Variants in LUC7L2 observed in about 807,000 individuals in gnomAD.
The protein encoded by LUC7L2 is putative RNA-binding protein Luc7-like 2.
LUC7L2 carries 25 observed loss-of-function variants against 52.8 expected under a neutral mutation model. The observed-to-expected ratio is 0.47, with a 90% CI of 0.34 to 0.66. The LOEUF (loss-of-function observed/expected upper bound fraction) is 0.66, where lower values mean the gene tolerates loss of function less well. LUC7L2 is among the 30% of genes least tolerant of loss of function. LUC7L2 has a pLI of 0.01. For missense variants in LUC7L2, 328 were observed against 497.8 expected, an observed-to-expected ratio of 0.66 and a Z score of 3.25; for synonymous variants, 144 against 160.9, an observed-to-expected ratio of 0.89 and a Z score of 0.80.
chr7:139,387,376 G>A (rs977352373), intron 2 of LUC7L2, among the ~76,000 whole-genome samples: 1 of 151,894 alleles, frequency 6.6e-6, no homozygotes, highest in Non-Finnish European at 1.5e-5. Context: ...CGTATATTCA[G>A]TAGAGACACG....
intron 1 of LUC7L2, chr7:139,374,806 T>C: frequency 1.8e-6 from 2 of 1,105,388 alleles, no homozygotes; most frequent in South Asian, 6.1e-5. Context: ...TAGTGTTTAG[T>C]TGAATTTAAG....
At chr7:139,374,446 CAGAA>C in intron 1 of LUC7L2, 1 of 1,550,938 alleles carries the variant, frequency 6.4e-7, no homozygotes, top group Non-Finnish European at 8.7e-7. Flanking sequence ...AAGGGAGTGT[CAGAA>C]AGGCCCCGCA....
At chr7:139,377,363 C>T (rs1049503238) in intron 2 of LUC7L2, among the ~76,000 whole-genome samples, 21 of 152,034 alleles carry the variant, frequency 1.4e-4, no homozygotes, top group African/African-American at 4.8e-4. Flanking sequence ...TGCCACCATG[C>T]CCGGCTAATT....
intron 2 of LUC7L2, among the ~76,000 whole-genome samples, chr7:139,391,301 C>T (rs1343401998): frequency 6.6e-6 from 1 of 152,096 alleles, no homozygotes; most frequent in Admixed American, 6.6e-5. Flanking sequence ...AAATTATATT[C>T]TCATGCTGTT....
intron 1 of LUC7L2, among the ~76,000 whole-genome samples, chr7:139,349,167 C>T (rs189716485): frequency 6.5e-4 from 99 of 152,250 alleles, no homozygotes; most frequent in African/African-American, 2.1e-3. Context: ...AACAAACCAA[C>T]AAGCAAACAA....
chr7:139,394,133 GA>G, intron 2 of LUC7L2, among the ~76,000 whole-genome samples: 1 of 152,264 alleles, frequency 6.6e-6, no homozygotes, highest in Middle Eastern at 3.4e-3. Flanking sequence ...ATAATCCAAG[GA>G]GAGGCTAAGA....
chr7:139,387,766 T>C (rs972060793), intron 2 of LUC7L2, among the ~76,000 whole-genome samples: 5 of 152,136 alleles, frequency 3.3e-5, no homozygotes, highest in Non-Finnish European at 5.9e-5. Context: ...TTTCCTTTTT[T>C]TTGGAGACAG....
chr7:139,417,353 T>C, intron 8 of LUC7L2, 185 bp from the exon 9 acceptor site: 1 of 760,574 alleles, frequency 1.3e-6, no homozygotes, highest in East Asian at 2.8e-5. Flanking sequence ...GAATTATTAA[T>C]GTTTTATTTT....
rs540394989 is a variant in LUC7L2 at position 139,392,968 on chromosome 7, T to TA, written c.157-5621dup. Reference sequence around the variant, plus strand: ...TGCACCCAGCAACTACTTGTTAAATTAAAAAAAAAATTTTAAGACCAGGTG... The same window carrying TA: ...TGCACCCAGCAACTACTTGTTAAATTAAAAAAAAAAATTTTAAGACCAGGTG... On this transcript the variant is annotated intron_variant, in intron 2 of 9. Transcript: ENST00000354926. 3.8e-4 allele frequency among the ~76,000 whole-genome samples: 56 copies of TA among 146,776 alleles called. No homozygotes were observed. In the South Asian group the frequency reaches 5.2e-3, roughly 14 times the overall value.
Position 139,417,630 on chromosome 7 carries a change from A to C in LUC7L2, c.902A>C (p.His301Pro). ...CGATCCAAATCTCGGGAGAAACGCCATCGCCACAGGTCCCGCTCCAGCAGC... is the reference window on the plus strand; with the variant it reads ...CGATCCAAATCTCGGGAGAAACGCCCTCGCCACAGGTCCCGCTCCAGCAGC... ...RTRSKSREKR[H>P]RHRSRSSSRS... Residue 301 changes from histidine (H) to proline (P), a missense_variant, in exon 9 of 10, where the codon CAT (histidine) becomes CCT (proline). His to Pro is a moderately conservative substitution (Grantham distance 77, BLOSUM62 -2). Around this residue, in one of 2 missense-constraint regions of LUC7L2, gnomAD observed 195 missense variants for 223.3 expected, o/e 0.87. Transcript: ENST00000354926. 1 of 1,614,244 alleles carries C rather than the reference A, an allele frequency of 6.2e-7. No homozygotes were observed. The highest frequency in any genetic ancestry group is 1.1e-5 in the South Asian group (1 of 91,086).
At chr7:139,405,285 G>A (rs910799643) in intron 4 of LUC7L2, among the ~76,000 whole-genome samples, 5 of 152,184 alleles carry the variant, frequency 3.3e-5, no homozygotes, top group Non-Finnish European at 5.9e-5. Flanking sequence ...AAAACAACAG[G>A]GTAAGTTTGG....
At chr7:139,415,182 G>A (rs1795540659) in intron 8 of LUC7L2, among the ~76,000 whole-genome samples, 1 of 150,846 alleles carries the variant, frequency 6.6e-6, no homozygotes, top group Non-Finnish European at 1.5e-5. Context: ...AAAGTGTTGG[G>A]ATTACAGGCA....
At chr7:139,415,600 A>G (rs1055921992) in intron 8 of LUC7L2, among the ~76,000 whole-genome samples, 22 of 125,456 alleles carry the variant, frequency 1.8e-4, no homozygotes, top group African/African-American at 7.0e-4. Context: ...TTTTTGAGAC[A>G]GGGTCTCACT....
chr7:139,357,431 AT>A (rs1799637647), upstream of LUC7L2, among the ~76,000 whole-genome samples: 2 of 152,260 alleles, frequency 1.3e-5, no homozygotes, highest in Admixed American at 1.3e-4. Flanking sequence ...GACATCTAAA[AT>A]AAAAAAAAGA....
intron 2 of LUC7L2, among the ~76,000 whole-genome samples, chr7:139,379,293 G>T (rs1800865558): frequency 6.6e-6 from 1 of 152,036 alleles, no homozygotes; most frequent in African/African-American, 2.4e-5. Flanking sequence ...CCTGAACTCA[G>T]GATTTCAAAG....
At chr7:139,399,455 T>TA (rs1794804328) in intron 3 of LUC7L2, among the ~76,000 whole-genome samples, 1 of 41,418 alleles carries the variant, frequency 2.4e-5, no homozygotes, top group Non-Finnish European at 3.9e-5. Flanking sequence ...GGGGATTTTT[T>TA]TTTTTTTTTT....
intron 1 of LUC7L2, among the ~76,000 whole-genome samples, chr7:139,341,837 G>C (rs542379332): frequency 6.6e-6 from 1 of 152,330 alleles, no homozygotes; most frequent in Non-Finnish European, 1.5e-5. Context: ...AAAGTGGAAT[G>C]GAGGATTCAA....
At chr7:139,340,778 T>C (rs1798903418) in intron 1 of LUC7L2, among the ~76,000 whole-genome samples, 1 of 151,640 alleles carries the variant, frequency 6.6e-6, no homozygotes, top group Non-Finnish European at 1.5e-5. Flanking sequence ...GGGTGGCCTG[T>C]GACTTTTGTC....
upstream of LUC7L2, among the ~76,000 whole-genome samples, chr7:139,357,134 C>T (rs1393293481): frequency 6.6e-6 from 1 of 151,580 alleles, no homozygotes; most frequent in African/African-American, 2.4e-5. Flanking sequence ...AGGGTAATCA[C>T]TGAAAGAATA....
Sources: gnomAD v4.1 joint callset for allele counts (sites outside exome capture counted in the v4.1 genomes callset) on GRCh38, gnomAD v4.1.1 for gene constraint, gnomAD v4.1.1 regional missense constraint, MANE v1.5 for transcripts, NCBI Gene and HGNC (gene_info 2026-07-23, HGNC 2026-07-21) for gene names.